The following KCNH1 variants were observed in gnomAD, a reference collection of about 807,000 sequenced individuals.
The protein encoded by KCNH1 is voltage-gated delayed rectifier potassium channel KCNH1.
In KCNH1, 27 loss-of-function variants were observed where a neutral mutation model predicts 69.2. The ratio of observed to expected loss-of-function variants is 0.39; its 90% CI spans 0.29 to 0.54. The LOEUF (loss-of-function observed/expected upper bound fraction) is 0.54, where lower values mean the gene tolerates loss of function less well. Among genes scored for constraint, KCNH1 ranks in the 20% least tolerant of loss-of-function variants. The probability of loss-of-function intolerance (pLI) is 0.68; values close to 1 mark genes in which losing one functional copy is unlikely to be tolerated. For missense variants in KCNH1, 798 were observed against 1,261.6 expected, an observed-to-expected ratio of 0.63 and a Z score of 5.57; for synonymous variants, 456 against 487.7, an observed-to-expected ratio of 0.93 and a Z score of 0.86.
chr1:210,924,019 A>T (rs1687515596), intron 6 of KCNH1, among the ~76,000 whole-genome samples: 1 of 152,246 alleles, frequency 6.6e-6, no homozygotes, highest in Non-Finnish European at 1.5e-5. Flanking sequence ...GGAAAATATT[A>T]TGTAACAGAT....
chr1:210,730,171 G>T (rs964571882), intron 10 of KCNH1, among the ~76,000 whole-genome samples: 7 of 152,176 alleles, frequency 4.6e-5, no homozygotes, highest in Non-Finnish European at 1.0e-4. Flanking sequence ...CTGGCCCACA[G>T]TAAATGCTAT....
Position 211,107,384 on chromosome 1 carries a change from A to C in KCNH1, c.80-7T>G. 3.3e-6 allele frequency: 1 copy of C among 302,914 alleles called. No individual in the cohort carries two copies. The highest frequency in any genetic ancestry group is 4.8e-6 in the Non-Finnish European group (1 of 208,794). 18.8% of individuals were successfully genotyped at this position (302,914 alleles called of 1,614,324 possible). A position where few individuals can be genotyped will look rare whatever the true frequency, so the allele number is the denominator to read the frequency against. On this transcript the variant is annotated splice_region_variant and splice_polypyrimidine_tract_variant and intron_variant, in intron 1 of 10. Coordinates refer to ENST00000271751, the MANE Select transcript of KCNH1 (RefSeq NM_172362.3). ...CCCAACACAAAATTAGTATCTGTTAAAAAAAAAAAAAAGGGAAAAAAGGGC... is the reference window on the plus strand; with the variant it reads ...CCCAACACAAAATTAGTATCTGTTACAAAAAAAAAAAAGGGAAAAAAGGGC...
intron 9 of KCNH1, among the ~76,000 whole-genome samples, chr1:210,787,491 T>C (rs1262629805): frequency 6.6e-6 from 1 of 152,222 alleles, no homozygotes; most frequent in African/African-American, 2.4e-5. Context: ...CCACTGTTTG[T>C]ATTTCCAACC....
intron 6 of KCNH1, among the ~76,000 whole-genome samples, chr1:210,975,413 G>A (rs1481159873): frequency 6.6e-6 from 1 of 152,102 alleles, no homozygotes; most frequent in African/African-American, 2.4e-5. Flanking sequence ...GTAGACCAAT[G>A]GAACAGAACA....
chr1:210,792,713 G>T (rs1341537330), intron 9 of KCNH1, among the ~76,000 whole-genome samples: 1 of 150,932 alleles, frequency 6.6e-6, no homozygotes, highest in Non-Finnish European at 1.5e-5. Context: ...CACAAAACAG[G>T]AAAACACAAG....
chr1:211,038,406 T>C (rs141310172), intron 5 of KCNH1, among the ~76,000 whole-genome samples: 2,434 of 152,242 alleles, frequency 0.016, 59 homozygotes, highest in African/African-American at 0.055. Context: ...AACGGACTAA[T>C]ACAGTAAATT....
intron 7 of KCNH1, among the ~76,000 whole-genome samples, chr1:210,901,870 G>A (rs542348402): frequency 1.8e-4 from 27 of 152,300 alleles, no homozygotes; most frequent in Middle Eastern, 3.4e-3. Flanking sequence ...GCTTCTTGGG[G>A]TAGGGACAGT....
At chr1:210,956,738 T>C (rs1247973483) in intron 6 of KCNH1, among the ~76,000 whole-genome samples, 3 of 152,098 alleles carry the variant, frequency 2.0e-5, no homozygotes, top group African/African-American at 7.2e-5. Flanking sequence ...TAGTTTGTAT[T>C]TCTGTGGGAT....
At chr1:211,028,518 A>T (rs574810861) in intron 5 of KCNH1, among the ~76,000 whole-genome samples, 2 of 152,234 alleles carry the variant, frequency 1.3e-5, no homozygotes, top group East Asian at 3.9e-4. Flanking sequence ...TGAAAAGATC[A>T]GTAACATAAA....
intron 10 of KCNH1, among the ~76,000 whole-genome samples, chr1:210,729,818 C>T (rs1281970055): frequency 1.3e-5 from 2 of 152,154 alleles, no homozygotes; most frequent in African/African-American, 4.8e-5. Flanking sequence ...AAAAATAGCT[C>T]TCAAAATTTT....
At chr1:211,052,368 C>T (rs1351350250) in intron 5 of KCNH1, among the ~76,000 whole-genome samples, 1 of 152,228 alleles carries the variant, frequency 6.6e-6, no homozygotes, top group East Asian at 1.9e-4. Flanking sequence ...ACACTTACAA[C>T]CTACAGTCAC....
intron 10 of KCNH1, among the ~76,000 whole-genome samples, chr1:210,714,391 C>T (rs552898985): frequency 1.3e-5 from 2 of 152,200 alleles, no homozygotes; most frequent in South Asian, 4.2e-4. Flanking sequence ...TTCTTTCTTC[C>T]TGTTTTGTTT....
intron 6 of KCNH1, among the ~76,000 whole-genome samples, chr1:210,958,892 C>T (rs1028382301): frequency 9.9e-5 from 15 of 152,170 alleles, no homozygotes; most frequent in African/African-American, 3.6e-4. Context: ...TTATTACCGG[C>T]CTTCTGAAGC....
chr1:210,796,154 CAAA>C (rs34606473), intron 9 of KCNH1, among the ~76,000 whole-genome samples: 2 of 134,156 alleles, frequency 1.5e-5, no homozygotes, highest in Non-Finnish European at 3.2e-5. Flanking sequence ...GATTCCGTCT[CAAA>C]AAAAAAAAAA....
intron 5 of KCNH1, among the ~76,000 whole-genome samples, chr1:211,071,493 G>A (rs1165811450): frequency 6.6e-6 from 1 of 152,148 alleles, no homozygotes; most frequent in East Asian, 1.9e-4. Flanking sequence ...AAGAACAACA[G>A]GAAGTTGCTA....
intron 5 of KCNH1, among the ~76,000 whole-genome samples, chr1:211,079,510 A>G (rs1202276655): frequency 6.6e-6 from 1 of 152,180 alleles, no homozygotes; most frequent in African/African-American, 2.4e-5. Context: ...CAGAAACACA[A>G]CAAAAAAAGA....
Position 210,679,154 on chromosome 1 carries a change from T to A in KCNH1, c.*4127A>T, listed in dbSNP as rs551998214. The A allele has an allele frequency of 6.6e-5, 10 of 152,280 alleles. No individual in the cohort carries two copies. The highest frequency in any genetic ancestry group is 5.9e-4 in the Admixed American group (9 of 15,298). The allele number at this position is 152,280 out of a possible 1,614,324, so 9.4% of individuals were successfully genotyped here. Reference sequence around the variant, plus strand: ...AGAGGATCATGAAGTCTCCCCCAGGTGGAGGGCACAGGAGCTGGTGAAGGT... The same window carrying A: ...AGAGGATCATGAAGTCTCCCCCAGGAGGAGGGCACAGGAGCTGGTGAAGGT... On this transcript the variant is annotated 3_prime_UTR_variant, in exon 11 of 11. Transcript: ENST00000271751.
chr1:210,701,964 A>G (rs1681792635), intron 10 of KCNH1, among the ~76,000 whole-genome samples: 1 of 152,214 alleles, frequency 6.6e-6, no homozygotes, highest in African/African-American at 2.4e-5. Context: ...GAATTCCTGC[A>G]TTCTTAAAAA....
At chr1:210,855,601 C>A (rs889569124) in intron 7 of KCNH1, among the ~76,000 whole-genome samples, 1 of 152,164 alleles carries the variant, frequency 6.6e-6, no homozygotes, top group African/African-American at 2.4e-5. Context: ...ATAGACTGAG[C>A]CAGAGAGCGT....
Sources: allele counts gnomAD v4.1 joint callset (sites outside exome capture counted in the v4.1 genomes callset), GRCh38; gene constraint gnomAD v4.1.1; transcripts MANE v1.5; gene names NCBI Gene and HGNC (gene_info 2026-07-23, HGNC 2026-07-21).